MPHOSPH9: variants seen among roughly 807,000 people sequenced by gnomAD.
The protein encoded by MPHOSPH9 is M-phase phosphoprotein 9.
A neutral mutation model predicts 145.5 loss-of-function variants in MPHOSPH9; 88 were observed. The ratio of observed to expected loss-of-function variants is 0.60; its 90% CI spans 0.51 to 0.72. The LOEUF (loss-of-function observed/expected upper bound fraction) is 0.72. Ranked by LOEUF, MPHOSPH9 falls within the 30% of genes least tolerant of loss-of-function variation. MPHOSPH9 has a pLI of 0.00. For synonymous variants in MPHOSPH9, 435 were observed against 486.2 expected, an observed-to-expected ratio of 0.89 and a Z score of 1.39; for missense variants, 1,238 against 1,386.6, an observed-to-expected ratio of 0.89 and a Z score of 1.70.
At chr12:123,200,479 A>G (rs551842062) in intron 11 of MPHOSPH9, among the ~76,000 whole-genome samples, 2 of 152,118 alleles carry the variant, frequency 1.3e-5, no homozygotes, top group African/African-American at 2.4e-5. Flanking sequence ...TGCTCCACCT[A>G]TATTTGCTCA....
rs565811156 is a variant in MPHOSPH9, at chr12:123,191,112, G to C, written c.2241+3274C>G. 5.3e-5 allele frequency among the ~76,000 whole-genome samples: 8 copies of C among 152,042 alleles called. No homozygotes were observed. The South Asian group carries it at 1.7e-3, about 32-fold the overall frequency. ...TGAGGCAGGTGGATCACTTGAGGTCGGGAGTTCGAGACCAGCCTGACCAAC... is the reference window on the plus strand; with the variant it reads ...TGAGGCAGGTGGATCACTTGAGGTCCGGAGTTCGAGACCAGCCTGACCAAC... On this transcript the variant is annotated intron_variant, in intron 13 of 23. Coordinates refer to ENST00000606320, the MANE Select transcript of MPHOSPH9 (RefSeq NM_022782.4).
intron 13 of MPHOSPH9, among the ~76,000 whole-genome samples, chr12:123,183,756 C>A (rs2045312100): frequency 6.6e-6 from 1 of 151,974 alleles, no homozygotes; most frequent in South Asian, 2.1e-4. Context: ...GTTGAAATTC[C>A]TTAAGTAATC....
At chr12:123,194,876 C>T (rs1055444007) in intron 12 of MPHOSPH9, among the ~76,000 whole-genome samples, 1 of 151,972 alleles carries the variant, frequency 6.6e-6, no homozygotes, top group Non-Finnish European at 1.5e-5. Context: ...CAGGCCTCGG[C>T]CTCCCAAAGT....
Position 123,181,168 on chromosome 12 carries a change from C to A in MPHOSPH9, c.2284G>T (p.Val762Leu). 1 of 1,611,574 alleles carries A rather than the reference C, an allele frequency of 6.2e-7. No individual in the cohort carries two copies. The highest frequency in any genetic ancestry group is 8.5e-7 in the Non-Finnish European group (1 of 1,177,902). ...CATGAACCATTACCCCTTACCTTTACTCTCCTGTGTTCTTTTCCAAGGGAC... is the reference window on the plus strand; with the variant it reads ...CATGAACCATTACCCCTTACCTTTAATCTCCTGTGTTCTTTTCCAAGGGAC... ...YESLGKEHRR[V>L]KDALNTTENK... Residue 762 changes from valine to leucine, a missense_variant, in exon 14 of 24, where the codon GTA (valine) becomes TTA (leucine). This residue lies in a region of MPHOSPH9 where 837 missense variants were observed against 897.5 expected (regional missense o/e 0.93). Coordinates refer to ENST00000606320, the MANE Select transcript of MPHOSPH9 (RefSeq NM_022782.4).
chr12:123,216,197 T>G (rs1433107987), intron 6 of MPHOSPH9, among the ~76,000 whole-genome samples: 1 of 152,222 alleles, frequency 6.6e-6, no homozygotes, highest in Non-Finnish European at 1.5e-5. Flanking sequence ...TAAAGGGCTT[T>G]CCTAGACCAC....
At chr12:123,178,269 T>C (rs1403973747) in intron 15 of MPHOSPH9, among the ~76,000 whole-genome samples, 1 of 152,230 alleles carries the variant, frequency 6.6e-6, no homozygotes, top group Non-Finnish European at 1.5e-5. Flanking sequence ...TTACCTACTT[T>C]GATGCAAGGA....
At chr12:123,225,234 A>G (rs946640192) in intron 3 of MPHOSPH9, among the ~76,000 whole-genome samples, 5 of 145,194 alleles carry the variant, frequency 3.4e-5, no homozygotes, top group Admixed American at 2.1e-4. Context: ...ATTTGAGTTC[A>G]TGAGTTCAAG....
intron 7 of MPHOSPH9, among the ~76,000 whole-genome samples, chr12:123,212,444 C>T (rs1245681557): frequency 6.6e-6 from 1 of 152,070 alleles, no homozygotes; most frequent in Non-Finnish European, 1.5e-5. Context: ...AATCCCAGCA[C>T]TTTGGGAGGC....
chr12:123,235,821 C>T (rs552728466), upstream of MPHOSPH9, among the ~76,000 whole-genome samples: 8 of 151,260 alleles, frequency 5.3e-5, no homozygotes, highest in African/African-American at 1.5e-4. Flanking sequence ...CCCAGCACTT[C>T]GGGAGGCCGA....
intron 1 of MPHOSPH9, among the ~76,000 whole-genome samples, chr12:123,231,584 C>T (rs2047638328): frequency 6.6e-6 from 1 of 152,126 alleles, no homozygotes; most frequent in Non-Finnish European, 1.5e-5. Context: ...CATGTCCCAG[C>T]TACTCTGGAG....
intron 18 of MPHOSPH9, among the ~76,000 whole-genome samples, chr12:123,164,787 C>T (rs2044243351): frequency 6.6e-6 from 1 of 152,042 alleles, no homozygotes; most frequent in South Asian, 2.1e-4. Context: ...GGCGGGTGGA[C>T]CACTTGAAGC....
intron 4 of MPHOSPH9, 56 bp downstream of exon 4, chr12:123,222,976 GTGTGTA>G (rs1182820207): frequency 1.3e-4 from 102 of 776,136 alleles, no homozygotes; most frequent in South Asian, 1.7e-4. Context: ...GTGTGTGTGT[GTGTGTA>G]TATGTACGTA....
At chr12:123,214,649 AGTT>A (rs2138512018) in intron 7 of MPHOSPH9, 92 bp downstream of exon 7, 2 of 862,522 alleles carry the variant, frequency 2.3e-6, no homozygotes, top group Admixed American at 4.9e-5. Flanking sequence ...AATGTAGGCA[AGTT>A]GTTTTTTAAA....
Position 123,230,387 on chromosome 12 carries a change from CTCTTA to C in MPHOSPH9, c.-28_-24del. The C allele has an allele frequency of 7.1e-7, 1 of 1,399,480 alleles. No homozygotes were observed. 86.7% of individuals were successfully genotyped at this position (1,399,480 alleles called of 1,614,324 possible). On this transcript the variant is annotated 5_prime_UTR_variant, in exon 2 of 24. The change abolishes the stop of an existing upstream ORF in the 5' untranslated region. Transcript: ENST00000606320. ...CATAGTGTACAGAAATTGTTATATT[CTCTTA>C]TTGGAAAATAAAGGTTCTTGGGCTG...
chr12:123,218,636 G>A (rs1040192733), intron 5 of MPHOSPH9, 137 bp from the exon 6 acceptor site: 16 of 745,400 alleles, frequency 2.1e-5, no homozygotes, highest in African/African-American at 1.8e-4. Context: ...AGCAATTCTC[G>A]TGCCTCAGTC....
At chr12:123,238,869 C>T (rs745573988) in intron 1 of MPHOSPH9, among the ~76,000 whole-genome samples, 1 of 152,116 alleles carries the variant, frequency 6.6e-6, no homozygotes, top group Non-Finnish European at 1.5e-5. Context: ...TACATTGTCC[C>T]ATAAAGTAGC....
In MPHOSPH9 at chr12:123,181,190, G is replaced by A; in HGVS notation, c.2262C>T (p.Ser754=). The A allele has an allele frequency of 6.2e-7, 1 of 1,611,592 alleles. No homozygotes were observed. ...TTACTCTCCTGTGTTCTTTTCCAAG[G>A]GACTCATACTCTCCTAAAAGCTACA... ...MFQDLLGEYE[S]LGKEHRRVKD... is the part of the protein sequence containing the mutation. The change falls in exon 14 of 24, where the codon TCC becomes TCT. Residue 754 remains serine, a synonymous_variant. Transcript: ENST00000606320.
chr12:123,225,826 A>C (rs1003569479), intron 3 of MPHOSPH9, among the ~76,000 whole-genome samples: 3 of 152,186 alleles, frequency 2.0e-5, no homozygotes, highest in African/African-American at 7.2e-5. Flanking sequence ...ACCTGAGGTC[A>C]GGAGTTCGAG....
exon 1 of MPHOSPH9, chr12:123,243,952 G>A (rs1402982587): frequency 6.6e-6 from 1 of 152,352 alleles, no homozygotes; most frequent in Non-Finnish European, 1.5e-5. Flanking sequence ...GCAGGCTCAG[G>A]GGAAGTTGAC....
Sources: allele counts gnomAD v4.1 joint callset (sites outside exome capture counted in the v4.1 genomes callset), GRCh38; gene constraint gnomAD v4.1.1; regional missense constraint gnomAD v4.1.1; transcripts MANE v1.5; gene names NCBI Gene and HGNC (gene_info 2026-07-23, HGNC 2026-07-21).